Variants in LRRC4C observed in about 807,000 individuals in gnomAD.
LRRC4C encodes leucine rich repeat containing 4C.
Under a neutral mutation model 33.6 loss-of-function variants are expected in LRRC4C, and 5 were observed. The ratio of observed to expected loss-of-function variants is 0.15; its 90% CI spans 0.08 to 0.31. The LOEUF (loss-of-function observed/expected upper bound fraction) is 0.31. Among genes scored for constraint, LRRC4C ranks in the 10% least tolerant of loss-of-function variants. The pLI is 1.00. For missense variants in LRRC4C, 560 were observed against 796.7 expected, an observed-to-expected ratio of 0.70 and a Z score of 3.58; for synonymous variants, 329 against 302.0, an observed-to-expected ratio of 1.09 and a Z score of -0.93.
At chr11:40,916,063 A>G (rs1482657810) in intron 2 of LRRC4C, among the ~76,000 whole-genome samples, 5 of 152,274 alleles carry the variant, frequency 3.3e-5, no homozygotes, top group Admixed American at 2.6e-4. Flanking sequence ...GCTGGAGAGG[A>G]TGTGGAGAAA....
chr11:40,588,957 A>G (rs1039380099), intron 3 of LRRC4C, among the ~76,000 whole-genome samples: 100 of 152,208 alleles, frequency 6.6e-4, no homozygotes, highest in African/African-American at 2.4e-3. Context: ...CATTCTGTTG[A>G]TTTGGGGTGG....
intron 2 of LRRC4C, among the ~76,000 whole-genome samples, chr11:40,841,537 T>C (rs10430981): frequency 0.92 from 140,392 of 152,226 alleles, 64,818 homozygotes; most frequent in East Asian, 1. Context: ...AGCCTGCATT[T>C]AGGGAAAGGC....
At chr11:41,402,343 A>T (rs1377576224) in intron 1 of LRRC4C, among the ~76,000 whole-genome samples, 2 of 152,034 alleles carry the variant, frequency 1.3e-5, no homozygotes, top group African/African-American at 2.4e-5. Flanking sequence ...TAGAAAAATA[A>T]AATGAGAATA....
At chr11:40,820,747 T>C (rs1278478150) in intron 2 of LRRC4C, among the ~76,000 whole-genome samples, 4 of 151,782 alleles carry the variant, frequency 2.6e-5, no homozygotes, top group Admixed American at 6.6e-5. Context: ...CATTCTAACA[T>C]TAGAAAGAAG....
intron 3 of LRRC4C, among the ~76,000 whole-genome samples, chr11:40,382,030 C>T (rs925968921): frequency 7.0e-6 from 1 of 142,346 alleles, no homozygotes; most frequent in African/African-American, 2.6e-5. Context: ...AATCTCGGCT[C>T]ACTGCAAGCT....
intron 1 of LRRC4C, among the ~76,000 whole-genome samples, chr11:41,276,270 T>C (rs148256160): frequency 1.7e-3 from 263 of 152,300 alleles, no homozygotes; most frequent in African/African-American, 5.9e-3. Flanking sequence ...TTCTTATCTC[T>C]ACAGATGTCC....
chr11:41,206,395 A>C (rs1316638265), intron 1 of LRRC4C, among the ~76,000 whole-genome samples: 2 of 152,150 alleles, frequency 1.3e-5, no homozygotes, highest in Admixed American at 1.3e-4. Context: ...AAAATTAATC[A>C]AAAAAGTCTA....
intron 1 of LRRC4C, among the ~76,000 whole-genome samples, chr11:41,299,617 T>G (rs1460805355): frequency 6.6e-6 from 1 of 152,096 alleles, no homozygotes; most frequent in Non-Finnish European, 1.5e-5. Flanking sequence ...TAAAATAAAG[T>G]GAATTTATGA....
At chr11:41,317,963 G>GA (rs1950844434) in intron 1 of LRRC4C, among the ~76,000 whole-genome samples, 10 of 151,812 alleles carry the variant, frequency 6.6e-5, no homozygotes, top group Admixed American at 6.6e-4. Context: ...TTAAAAAAAG[G>GA]AAAAAAGGTA....
intron 2 of LRRC4C, among the ~76,000 whole-genome samples, chr11:40,774,896 A>T (rs1399182258): frequency 2.0e-5 from 3 of 152,150 alleles, no homozygotes; most frequent in African/African-American, 4.8e-5. Context: ...AGACCAAAGC[A>T]TCAATCTTGC....
At chr11:41,048,381 C>T (rs1857952793) in intron 1 of LRRC4C, among the ~76,000 whole-genome samples, 2 of 151,316 alleles carry the variant, frequency 1.3e-5, no homozygotes, top group South Asian at 4.2e-4. Flanking sequence ...TCTCCTGCCT[C>T]AGCCTCCTGA....
At chr11:40,226,304 T>C (rs1012033562) in intron 5 of LRRC4C, among the ~76,000 whole-genome samples, 1 of 152,218 alleles carries the variant, frequency 6.6e-6, no homozygotes, top group Non-Finnish European at 1.5e-5. Context: ...ATTGGGTCTT[T>C]CCTCTGGTTT....
chr11:41,131,445 T>C lies in LRRC4C; in HGVS notation c.-495-197722A>G, dbSNP rs567171176. Reference sequence around the variant, plus strand: ...CTTTCCTATTTAAACTACAATAACATTTTTATACATGGATTTTGTATGATA... The same window carrying C: ...CTTTCCTATTTAAACTACAATAACACTTTTATACATGGATTTTGTATGATA... On this transcript the variant is annotated intron_variant, in intron 1 of 6. Transcript: ENST00000528697. 4.6e-5 allele frequency among the ~76,000 whole-genome samples: 7 copies of C among 152,208 alleles called. No individual in the cohort carries two copies. The South Asian group carries it at 1.5e-3, about 32-fold the overall frequency.
chr11:40,311,815 T>A (rs926780980), intron 4 of LRRC4C, among the ~76,000 whole-genome samples: 1 of 151,920 alleles, frequency 6.6e-6, no homozygotes, highest in African/African-American at 2.4e-5. Flanking sequence ...TGTGGTAGCA[T>A]GTGCCTGTAG....
intron 2 of LRRC4C, among the ~76,000 whole-genome samples, chr11:40,831,077 C>T (rs73472628): frequency 0.025 from 3,772 of 152,136 alleles, 89 homozygotes; most frequent in African/African-American, 0.06. Flanking sequence ...ACACAGTAGG[C>T]AATGGGTAGC....
intron 1 of LRRC4C, among the ~76,000 whole-genome samples, chr11:40,962,909 G>C (rs910121474): frequency 1.3e-5 from 2 of 151,678 alleles, no homozygotes; most frequent in African/African-American, 4.8e-5. Context: ...CAGGAAGCAG[G>C]AAGAATGCCT....
intron 1 of LRRC4C, among the ~76,000 whole-genome samples, chr11:41,079,840 A>G (rs1271655698): frequency 6.6e-6 from 1 of 152,148 alleles, no homozygotes; most frequent in Admixed American, 6.5e-5. Flanking sequence ...GTGTGGCCCA[A>G]GGCAATTCTT....
intron 5 of LRRC4C, among the ~76,000 whole-genome samples, chr11:40,199,589 C>G (rs1331901334): frequency 6.6e-6 from 1 of 152,048 alleles, no homozygotes; most frequent in Non-Finnish European, 1.5e-5. Context: ...GTGGATTTCT[C>G]CAGAAAGACC....
chr11:40,333,676 C>A (rs1196971067), intron 3 of LRRC4C, among the ~76,000 whole-genome samples: 4 of 137,252 alleles, frequency 2.9e-5, no homozygotes, highest in African/African-American at 1.1e-4. Flanking sequence ...GACATGGCGC[C>A]ATTGCACTCC....
Sources: allele counts gnomAD v4.1 joint callset (sites outside exome capture counted in the v4.1 genomes callset), GRCh38; gene constraint gnomAD v4.1.1; transcripts MANE v1.5; gene names NCBI Gene and HGNC (gene_info 2026-07-23, HGNC 2026-07-21).